Variants in ZNF442 observed in about 807,000 individuals in gnomAD.
ZNF442 encodes zinc finger protein 442.
ZNF442 carries 45 observed loss-of-function variants against 57.0 expected under a neutral mutation model. The observed-to-expected ratio is 0.79, with a 90% CI of 0.62 to 1.01. The LOEUF is 1.01. ZNF442 is among the 50% of genes least tolerant of loss of function. ZNF442 has a pLI of 0.00. For missense variants in ZNF442, 690 were observed against 756.5 expected, an observed-to-expected ratio of 0.91 and a Z score of 1.03; for synonymous variants, 213 against 241.8, an observed-to-expected ratio of 0.88 and a Z score of 1.10.
chr19:12,350,646 T>A lies in ZNF442; in HGVS notation c.939A>T (p.Arg313Ser). 1.2e-6 allele frequency: 2 copies of A among 1,614,122 alleles called. No homozygotes were observed. Among genetic ancestry groups the A allele is most frequent in the Non-Finnish European group, 1.7e-6 (2 of 1,180,018 alleles). The change falls in exon 6 of 6, where the codon AGA becomes AGT. Residue 313 changes from arginine to serine, a missense_variant. Physicochemically the swap from Arg to Ser is moderately radical, Grantham distance 110 (BLOSUM62 -1). Coordinates refer to ENST00000242804, the MANE Select transcript of ZNF442 (RefSeq NM_030824.3). ...CATAGGGTTTCTCTCCAGTGTGAGTTCTTTCATGTATTCGAAGGGAACTGG... is the reference window on the plus strand; with the variant it reads ...CATAGGGTTTCTCTCCAGTGTGAGTACTTTCATGTATTCGAAGGGAACTGG... ...SVSSSLRIHERTHTGEKPYEC... is the reference protein window; with the variant it reads ...SVSSSLRIHESTHTGEKPYEC...
At position 12,357,696 on chromosome 19, in the gene ZNF442, T is replaced by C. The variant is rs73507969; in HGVS notation, c.79-4582A>G. On this transcript the variant is annotated intron_variant, in intron 3 of 5. Transcript: ENST00000242804. Reference sequence around the variant, plus strand: ...ATTCAGTAGGACTAGAGTATAATCCTGAAATGTGCATTCCTTTTTAAATTT... The same window carrying C: ...ATTCAGTAGGACTAGAGTATAATCCCGAAATGTGCATTCCTTTTTAAATTT... 5.5e-3 allele frequency among the ~76,000 whole-genome samples: 837 copies of C among 152,240 alleles called. 6 individuals are homozygous for C. The highest frequency in any genetic ancestry group is 0.019 in the African/African-American group (789 of 41,540).
chr19:12,365,514 C>A lies in ZNF442; in HGVS notation c.-483+19G>T. 1.8e-6 allele frequency: 1 copy of A among 565,336 alleles called. No individual in the cohort carries two copies. The highest frequency in any genetic ancestry group is 2.8e-5 in the Admixed American group (1 of 36,260). The allele number at this position is 565,336 out of a possible 1,614,324, so 35.0% of individuals were successfully genotyped here. The stretch of plus-strand genomic sequence containing the variant: ...CAGTCCTTCGCCCTGCCCCAGGACG[C>A]CGGGCCCCGCACACTCACCATTTCC... On this transcript the variant is annotated intron_variant, in intron 1 of 5. Transcript: ENST00000242804.
Position 12,350,930 on chromosome 19 carries a change from A to G in ZNF442, c.655T>C (p.Phe219Leu), listed in dbSNP as rs1465065579. 6.2e-7 allele frequency: 1 copy of G among 1,614,012 alleles called. No individual in the cohort carries two copies. Among genetic ancestry groups the G allele is most frequent in the Non-Finnish European group, 8.5e-7 (1 of 1,180,012 alleles). ...TGCATACGAAATAAACTAGGCCAAA[A>G]AAAGGCTTTCCCACACAACTTACAT... ...YICKLCGKAFFWPSLFRMHER... is the reference protein window; with the variant it reads ...YICKLCGKAFLWPSLFRMHER... The change falls in exon 6 of 6, where the codon TTT (phenylalanine) becomes CTT (leucine). Residue 219 changes from phenylalanine to leucine, a missense_variant. Physicochemically the swap from Phe to Leu is conservative, Grantham distance 22. Transcript: ENST00000242804.
chr19:12,372,632 T>C, the ZNF442 span, among the ~76,000 whole-genome samples: 1,009 of 152,354 alleles, frequency 6.6e-3, 16 homozygotes, highest in African/African-American at 0.023. Flanking sequence ...ATGTGTTTTT[T>C]TCTGAAAGTA....
rs113199861 is a variant in ZNF442, at chr19:12,365,261, T to A, written c.-482-18A>T. On this transcript the variant is annotated intron_variant, in intron 1 of 5. Coordinates refer to ENST00000242804, the MANE Select transcript of ZNF442 (RefSeq NM_030824.3). ...CGCACAATCTGGGAAGACGCGGAGC[T>A]GTGGGCATGGAGCTGCCCCAGAGAG... The A allele has an allele frequency of 3.1e-3, 565 of 180,350 alleles. 2 individuals carry two copies. The highest frequency in any genetic ancestry group is 0.013 in the African/African-American group (543 of 42,194). 11.2% of individuals were successfully genotyped at this position (180,350 alleles called of 1,614,324 possible). A position where few individuals can be genotyped will look rare whatever the true frequency, so the allele number is the denominator to read the frequency against.
chr19:12,351,686 A>G (rs1599587532), intron 5 of ZNF442: 1 of 310,694 alleles, frequency 3.2e-6, no homozygotes. Flanking sequence ...TTGTATTTTT[A>G]GTAGAAACGG....
At chr19:12,371,483 G>A in the ZNF442 span, among the ~76,000 whole-genome samples, 1 of 152,006 alleles carries the variant, frequency 6.6e-6, no homozygotes, top group Non-Finnish European at 1.5e-5. Context: ...TGGTGTCAGG[G>A]GTTTATGTTC....
the ZNF442 span, among the ~76,000 whole-genome samples, chr19:12,372,927 C>T: frequency 6.6e-6 from 1 of 152,182 alleles, no homozygotes; most frequent in Non-Finnish European, 1.5e-5. Flanking sequence ...GCACATGCCA[C>T]CATGCCCAGC....
upstream of ZNF442, among the ~76,000 whole-genome samples, chr19:12,368,780 C>T (rs140110240): frequency 0.012 from 1,775 of 150,488 alleles, 34 homozygotes; most frequent in African/African-American, 0.042. Flanking sequence ...TATCACAACT[C>T]ATTATTATTT....
chr19:12,350,612 G>A lies in ZNF442; in HGVS notation c.973C>T (p.Gln325Ter), dbSNP rs1969210965. The change falls in exon 6 of 6, where the codon CAA becomes TAA. Residue 325 changes from glutamine (Q) to a stop codon, truncating the protein, a stop_gained. Coordinates refer to ENST00000242804, the MANE Select transcript of ZNF442 (RefSeq NM_030824.3). LOFTEE classifies it high-confidence loss of function. Reference sequence around the variant, plus strand: ...AGATGATGAAATGCTTTCCCGCATTGCTTGCATTCATAGGGTTTCTCTCCA... The same window carrying A: ...AGATGATGAAATGCTTTCCCGCATTACTTGCATTCATAGGGTTTCTCTCCA... ...HTGEKPYECK[Q>*]CGKAFHHLGS... 1 of 1,612,996 alleles carries A rather than the reference G, an allele frequency of 6.2e-7. No individual in the cohort carries two copies. Among genetic ancestry groups the A allele is most frequent in the Non-Finnish European group, 8.5e-7 (1 of 1,179,698 alleles).
chr19:12,362,328 C>T (rs536569535), intron 3 of ZNF442, among the ~76,000 whole-genome samples: 2 of 151,596 alleles, frequency 1.3e-5, no homozygotes, highest in African/African-American at 4.8e-5. Context: ...GCCTCTGCCC[C>T]GCCGCCCCAT....
At chr19:12,363,966 G>C (rs1190615675) in intron 2 of ZNF442, among the ~76,000 whole-genome samples, 1 of 152,124 alleles carries the variant, frequency 6.6e-6, no homozygotes, top group African/African-American at 2.4e-5. Flanking sequence ...TTTCTAAAGG[G>C]GACTTTCAAT....
At chr19:12,362,239 A>G (rs560951357) in intron 3 of ZNF442, among the ~76,000 whole-genome samples, 6,680 of 146,424 alleles carry the variant, frequency 0.046, 510 homozygotes, top group African/African-American at 0.16. Context: ...AGTGAGGAGC[A>G]CCTCTTCCTG....
intron 3 of ZNF442, among the ~76,000 whole-genome samples, chr19:12,357,709 C>T (rs1343182089): frequency 6.6e-6 from 1 of 151,960 alleles, no homozygotes; most frequent in Non-Finnish European, 1.5e-5. Flanking sequence ...AATGTGCATT[C>T]CTTTTTAAAT....
At chr19:12,352,215 T>C (rs934489674) in intron 4 of ZNF442, 145 bp from the exon 5 acceptor site, 3 of 687,292 alleles carry the variant, frequency 4.4e-6, no homozygotes, top group African/African-American at 3.6e-5. Context: ...ACCTCGTAAG[T>C]CCACTTATTT....
upstream of ZNF442, chr19:12,365,936 G>T (rs1166436838): frequency 6.6e-6 from 1 of 152,470 alleles, no homozygotes; most frequent in Non-Finnish European, 1.5e-5. Flanking sequence ...TACTCAATGG[G>T]CTCTTCCTGC....
the ZNF442 span, among the ~76,000 whole-genome samples, chr19:12,371,537 T>C: frequency 6.6e-6 from 1 of 152,204 alleles, no homozygotes; most frequent in East Asian, 1.9e-4. Flanking sequence ...AACTAGTTCA[T>C]TACTGTGTTG....
the ZNF442 span, chr19:12,373,613 C>T: frequency 1.2e-5 from 3 of 240,634 alleles, no homozygotes; most frequent in Non-Finnish European, 8.8e-6. Context: ...GACACCGGTT[C>T]TCACTCTTGT....
At chr19:12,352,801 G>A (rs914305707) in intron 4 of ZNF442, among the ~76,000 whole-genome samples, 187 bp downstream of exon 4, 6 of 152,134 alleles carry the variant, frequency 3.9e-5, no homozygotes, top group African/African-American at 1.4e-4. Context: ...TCAACTGAAG[G>A]TTAAGTTGTA....
Sources: allele counts gnomAD v4.1 joint callset (sites outside exome capture counted in the v4.1 genomes callset), GRCh38; gene constraint gnomAD v4.1.1; transcripts MANE v1.5; gene names NCBI Gene and HGNC (gene_info 2026-07-23, HGNC 2026-07-21).